Variants in TMEM117 observed in about 807,000 individuals in gnomAD.
The protein encoded by TMEM117 is transmembrane protein 117.
Under a neutral mutation model 52.4 loss-of-function variants are expected in TMEM117, and 27 were observed. The observed-to-expected ratio is 0.51, with a 90% CI of 0.38 to 0.71. TMEM117 has a LOEUF of 0.71. Among genes scored for constraint, TMEM117 ranks in the 30% least tolerant of loss-of-function variants. The pLI is 0.00. For missense variants in TMEM117, 556 were observed against 630.5 expected, an observed-to-expected ratio of 0.88 and a Z score of 1.26; for synonymous variants, 215 against 206.3, an observed-to-expected ratio of 1.04 and a Z score of -0.36.
At chr12:43,861,814 A>T (rs947439592) in intron 2 of TMEM117, among the ~76,000 whole-genome samples, 1 of 152,126 alleles carries the variant, frequency 6.6e-6, no homozygotes, top group Non-Finnish European at 1.5e-5. Flanking sequence ...ATAACAAAAC[A>T]CTCAAGATTT....
chr12:44,208,146 T>C (rs1949594749), intron 4 of TMEM117, among the ~76,000 whole-genome samples: 1 of 152,160 alleles, frequency 6.6e-6, no homozygotes, highest in South Asian at 2.1e-4. Flanking sequence ...TCTGTAGAGA[T>C]AATTGTTTTT....
At chr12:44,136,833 C>A (rs1004583769) in intron 3 of TMEM117, among the ~76,000 whole-genome samples, 1 of 151,882 alleles carries the variant, frequency 6.6e-6, no homozygotes, top group Non-Finnish European at 1.5e-5. Context: ...GCTTTTTATT[C>A]CAGAAGAGGT....
At chr12:43,859,744 TA>T (rs1943458004) in intron 2 of TMEM117, among the ~76,000 whole-genome samples, 1 of 152,162 alleles carries the variant, frequency 6.6e-6, no homozygotes, top group Non-Finnish European at 1.5e-5. Flanking sequence ...GGAAGACTGA[TA>T]GTGCAAATAC....
chr12:43,956,216 C>A (rs1945303081), intron 3 of TMEM117, among the ~76,000 whole-genome samples: 1 of 152,128 alleles, frequency 6.6e-6, no homozygotes, highest in African/African-American at 2.4e-5. Flanking sequence ...CAATACCATT[C>A]AGGACATAGG....
chr12:44,115,759 C>G (rs948784819), intron 3 of TMEM117, among the ~76,000 whole-genome samples: 1 of 152,160 alleles, frequency 6.6e-6, no homozygotes, highest in Non-Finnish European at 1.5e-5. Flanking sequence ...ATTTATGGAA[C>G]AGCTACTATG....
At chr12:44,348,114 A>T (rs1365763597) in intron 6 of TMEM117, among the ~76,000 whole-genome samples, 1 of 152,056 alleles carries the variant, frequency 6.6e-6, no homozygotes, top group Non-Finnish European at 1.5e-5. Context: ...AGAGGATGTG[A>T]AAGTTTTATC....
At chr12:44,314,221 T>C (rs1465936502) in intron 6 of TMEM117, among the ~76,000 whole-genome samples, 2 of 152,174 alleles carry the variant, frequency 1.3e-5, no homozygotes, top group Non-Finnish European at 2.9e-5. Flanking sequence ...CAGAATGATG[T>C]TGACTGTAGA....
intron 2 of TMEM117, among the ~76,000 whole-genome samples, chr12:43,865,017 T>C (rs1437504418): frequency 1.3e-5 from 2 of 151,982 alleles, no homozygotes; most frequent in South Asian, 2.1e-4. Flanking sequence ...GGTCTGCAGC[T>C]TCACTCCTGA....
intron 3 of TMEM117, among the ~76,000 whole-genome samples, chr12:44,056,345 C>T (rs1353573223): frequency 6.6e-6 from 1 of 152,192 alleles, no homozygotes; most frequent in Non-Finnish European, 1.5e-5. Flanking sequence ...GACATTGACA[C>T]ACTTTTCCAA....
At chr12:43,817,145 T>C in the TMEM117 span, among the ~76,000 whole-genome samples, 3 of 152,246 alleles carry the variant, frequency 2.0e-5, no homozygotes, top group African/African-American at 4.8e-5. Flanking sequence ...TAAAAATTCA[T>C]AGAGTTTTCA....
intron 3 of TMEM117, among the ~76,000 whole-genome samples, chr12:44,107,923 A>G (rs1362418545): frequency 1.3e-5 from 2 of 152,184 alleles, no homozygotes; most frequent in Non-Finnish European, 2.9e-5. Context: ...AACCAATTGA[A>G]TAACACAGCA....
intron 3 of TMEM117, among the ~76,000 whole-genome samples, chr12:43,985,827 C>T (rs1474441009): frequency 6.6e-6 from 1 of 152,168 alleles, no homozygotes; most frequent in Non-Finnish European, 1.5e-5. Context: ...TCACTGCTAA[C>T]ATAATATGTC....
chr12:44,077,747 G>C (rs1318946342), intron 3 of TMEM117, among the ~76,000 whole-genome samples: 2 of 152,034 alleles, frequency 1.3e-5, no homozygotes, highest in African/African-American at 4.8e-5. Context: ...CCTTGAAAAA[G>C]ATGCAAAATG....
intron 3 of TMEM117, among the ~76,000 whole-genome samples, chr12:44,110,162 A>G (rs1948033329): frequency 8.8e-6 from 1 of 113,718 alleles, no homozygotes; most frequent in South Asian, 3.4e-4. Flanking sequence ...AACAGGGACA[A>G]TTTGACTTCC....
At chr12:44,017,925 CT>C (rs1234188276) in intron 3 of TMEM117, among the ~76,000 whole-genome samples, 4 of 151,908 alleles carry the variant, frequency 2.6e-5, no homozygotes. Flanking sequence ...TTTCAATGTT[CT>C]TTTTAACATC....
At chr12:44,349,394 G>A (rs1039517220) in intron 6 of TMEM117, among the ~76,000 whole-genome samples, 17 of 152,090 alleles carry the variant, frequency 1.1e-4, no homozygotes, top group Middle Eastern at 3.4e-3. Flanking sequence ...TATGAATGAG[G>A]TAGTTATTTT....
intron 5 of TMEM117, among the ~76,000 whole-genome samples, chr12:44,214,060 AT>A (rs1949681845): frequency 6.6e-6 from 1 of 151,650 alleles, no homozygotes; most frequent in Admixed American, 6.6e-5. Context: ...GAGGAGAGAA[AT>A]CCATTAATAT....
chr12:44,356,399 A>G (rs967904471), intron 6 of TMEM117, among the ~76,000 whole-genome samples: 2 of 152,116 alleles, frequency 1.3e-5, no homozygotes, highest in Non-Finnish European at 1.5e-5. Context: ...GGCAAAAATA[A>G]TGGAATTAAC....
At chr12:43,826,964 C>G in the TMEM117 span, among the ~76,000 whole-genome samples, 1 of 151,650 alleles carries the variant, frequency 6.6e-6, no homozygotes, top group Non-Finnish European at 1.5e-5. Flanking sequence ...CCAAAATACC[C>G]TTTTGACATA....
Sources: gnomAD v4.1 joint callset for allele counts (sites outside exome capture counted in the v4.1 genomes callset) on GRCh38, gnomAD v4.1.1 for gene constraint, MANE v1.5 for transcripts, NCBI Gene and HGNC (gene_info 2026-07-23, HGNC 2026-07-21) for gene names.